CACNA1C: variants seen among roughly 807,000 people sequenced by gnomAD.
CACNA1C encodes the protein voltage-dependent L-type calcium channel subunit alpha-1C.
Under a neutral mutation model 229.0 loss-of-function variants are expected in CACNA1C, and 30 were observed. The observed-to-expected ratio is 0.13, with a 90% CI of 0.10 to 0.18. The LOEUF (loss-of-function observed/expected upper bound fraction) is 0.18, where lower values mean the gene tolerates loss of function less well. CACNA1C is among the 10% of genes least tolerant of loss of function. The pLI is 1.00. For synonymous variants in CACNA1C, 1,114 were observed against 1,132.5 expected (o/e 0.98, Z 0.33); for missense variants, 1,658 against 2,845.0 (o/e 0.58, Z 9.49).
At chr12:2,118,148 T>C (rs2154142278) in intron 2 of CACNA1C, among the ~76,000 whole-genome samples, 1 of 152,304 alleles carries the variant, frequency 6.6e-6, no homozygotes, top group South Asian at 2.1e-4. Context: ...GAAGGATGGA[T>C]AGGTGGAGAG....
chr12:2,471,610 T>G (rs571001379), intron 5 of CACNA1C, among the ~76,000 whole-genome samples: 18 of 151,946 alleles, frequency 1.2e-4, no homozygotes, highest in African/African-American at 4.3e-4. Context: ...ATTGACAGGT[T>G]TTTTTTTCTT....
At chr12:2,425,095 G>C (rs537353079) in intron 3 of CACNA1C, among the ~76,000 whole-genome samples, 2 of 152,240 alleles carry the variant, frequency 1.3e-5, no homozygotes, top group African/African-American at 4.8e-5. Context: ...CCCCAGGGAG[G>C]GATAGGCCCG....
intron 6 of CACNA1C, among the ~76,000 whole-genome samples, chr12:2,489,135 C>G (rs1288676673): frequency 6.6e-6 from 1 of 151,898 alleles, no homozygotes; most frequent in South Asian, 2.1e-4. Context: ...TTTAAAATTT[C>G]AGACTTTGGA....
At position 2,319,576 on chromosome 12, in the gene CACNA1C, G is replaced by T. The variant is rs927207593; in HGVS notation, c.478-129400G>T. On this transcript the variant is annotated intron_variant, in intron 3 of 46. Transcript: ENST00000399655. This position sits in a 1 kb window ranked among gnomAD's most constrained non-coding sequence, Gnocchi z 4.0. ...CTCAGGGGCATTGCCGGGTGAGCCT[G>T]AGATAAGGGTGTAGCTCTGCTCATT... Among the ~76,000 whole-genome samples, 19 of 152,152 alleles carry T rather than the reference G, an allele frequency of 1.2e-4. No individual in the cohort carries two copies. Among genetic ancestry groups the T allele is most frequent in the Non-Finnish European group, 2.1e-4 (14 of 68,016 alleles).
chr12:2,483,791 G>A (rs1333048841), intron 5 of CACNA1C, among the ~76,000 whole-genome samples: 1 of 152,024 alleles, frequency 6.6e-6, no homozygotes, highest in South Asian at 2.1e-4. Flanking sequence ...CTGAAATGAC[G>A]CCCACAAGCT....
intron 5 of CACNA1C, among the ~76,000 whole-genome samples, chr12:2,468,987 G>C (rs113434575): frequency 5.3e-5 from 8 of 152,316 alleles, no homozygotes; most frequent in African/African-American, 1.9e-4. Context: ...GCACCCTCTT[G>C]CATGTTAGTT....
rs1228471668 is a variant in CACNA1C at position 2,601,006 on chromosome 12, T to C, written c.2854-848T>C. ...CACTAAGAGAATTTGAGTTTCTTGC[T>C]CCAGGCCACAAAAATAAAATACCAC... On this transcript the variant is annotated intron_variant, in intron 21 of 46. Transcript: ENST00000399655. The surrounding 1 kb of genome is among the most constrained non-coding windows in gnomAD (Gnocchi z 5.9). Among the ~76,000 whole-genome samples, 1 of 152,150 alleles carries C rather than the reference T, an allele frequency of 6.6e-6. No homozygotes were observed. The highest frequency in any genetic ancestry group is 6.5e-5 in the Admixed American group (1 of 15,280).
Position 2,566,489 on chromosome 12 carries a change from T to G in CACNA1C, c.1576T>G (p.Phe526Val). The G allele has an allele frequency of 6.3e-7, 1 of 1,595,718 alleles. No individual in the cohort carries two copies. ...CCGCGCCGCAGTCAAGTCTAATGTC[T>G]TCTACTGGCTGGTGATTTTCCTGGT... ...KCRAAVKSNV[F>V]YWLVIFLVFL... is the part of the protein sequence containing the mutation. The change falls in exon 12 of 47, where the codon TTC (phenylalanine) becomes GTC (valine). Residue 526 changes from phenylalanine (F) to valine (V), a missense_variant. By Grantham distance (50) the Phe-to-Val change is conservative. Coordinates refer to ENST00000399655, the MANE Select transcript of CACNA1C (RefSeq NM_000719.7). The surrounding 1 kb of genome is among the most constrained non-coding windows in gnomAD (Gnocchi z 4.0).
chr12:2,170,587 A>G (rs2096435804), intron 3 of CACNA1C, among the ~76,000 whole-genome samples: 2 of 152,260 alleles, frequency 1.3e-5, no homozygotes, highest in African/African-American at 4.8e-5. Context: ...TTGTGAAGAC[A>G]TTATGTTCCA....
At chr12:2,044,277 G>A (rs1245834871) in intron 1 of CACNA1C, among the ~76,000 whole-genome samples, 1 of 152,180 alleles carries the variant, frequency 6.6e-6, no homozygotes, top group Non-Finnish European at 1.5e-5. Flanking sequence ...GACTGGAAGT[G>A]TCCTGCCATA....
In CACNA1C at chr12:2,060,698, A is replaced by G. The variant is rs187913860; in HGVS notation, c.49+7087A>G. Among the ~76,000 whole-genome samples the G allele has an allele frequency of 5.3e-5, 8 of 152,318 alleles. No individual in the cohort carries two copies. The East Asian group carries it at 1.5e-3, about 29-fold the overall frequency. On this transcript the variant is annotated intron_variant, in intron 1 of 46. Coordinates refer to ENST00000399655, the MANE Select transcript of CACNA1C (RefSeq NM_000719.7). ...AACATAGTGTTGTGATAATTTCATG[A>G]AATATTCAAGCTGCCAATTTGCCAA...
chr12:2,214,910 A>C (rs1047350093), intron 3 of CACNA1C, among the ~76,000 whole-genome samples: 1 of 151,934 alleles, frequency 6.6e-6, no homozygotes, highest in Non-Finnish European at 1.5e-5. Flanking sequence ...CATCCCCGCC[A>C]AAAGAGGTAC....
chr12:2,565,099 G>A lies in CACNA1C; in HGVS notation c.1509-1323G>A, dbSNP rs533182950. Among the ~76,000 whole-genome samples the A allele has an allele frequency of 5.9e-5, 9 of 152,288 alleles. No homozygotes were observed. In the East Asian group the frequency reaches 1.7e-3, roughly 29 times the overall value. ...CGCCTCCACCATAGAATCTTAAAAT[G>A]TGTTTCTTTAGGATCATCTTAGCCA... On this transcript the variant is annotated intron_variant, in intron 11 of 46. Transcript: ENST00000399655.
intron 3 of CACNA1C, among the ~76,000 whole-genome samples, chr12:2,214,796 T>G (rs1305423170): frequency 9.7e-6 from 1 of 103,082 alleles, no homozygotes; most frequent in Non-Finnish European, 2.0e-5. Flanking sequence ...AGGCAGACAC[T>G]TCTAGTTAGC....
intron 5 of CACNA1C, among the ~76,000 whole-genome samples, chr12:2,466,567 T>A (rs2099552210): frequency 6.6e-6 from 1 of 152,240 alleles, no homozygotes; most frequent in South Asian, 2.1e-4. Flanking sequence ...CCCTTGCTTT[T>A]TCCACTGCCT....
chr12:2,605,138 G>A lies in CACNA1C; in HGVS notation c.3018G>A (p.Leu1006=), dbSNP rs918630622. 5 of 1,613,620 alleles carry A rather than the reference G, an allele frequency of 3.1e-6. No individual in the cohort carries two copies. The highest frequency in any genetic ancestry group is 2.2e-5 in the East Asian group (1 of 44,894). ...GAGTCCTGCGAGTACTCAGGCCCCT[G>A]AGGGCCATCAACAGGGCCAAGGGGC... ...ILRVLRVLRP[L]RAINRAKGLK... The change falls in exon 23 of 47, where the codon CTG becomes CTA. Residue 1006 remains leucine, a synonymous_variant. Coordinates refer to ENST00000399655, the MANE Select transcript of CACNA1C (RefSeq NM_000719.7). This position sits in a 1 kb window ranked among gnomAD's most constrained non-coding sequence, Gnocchi z 6.2.
chr12:2,634,299 C>T lies in CACNA1C; in HGVS notation c.3831C>T (p.His1277=). Residue 1277 remains histidine, a splice_region_variant and synonymous_variant, in exon 30 of 47, where the codon CAC becomes CAT. Coordinates refer to ENST00000399655, the MANE Select transcript of CACNA1C (RefSeq NM_000719.7). ...CCCGGCTGCTCTGCCCCATGCAGCA[C>T]TATTTCTGTGATGCATGGAATACAT... ...ILKLIAFKPK[H]YFCDAWNTFD... is the part of the protein sequence containing the mutation. The T allele has an allele frequency of 6.4e-7, 1 of 1,552,074 alleles. No homozygotes were observed. The highest frequency in any genetic ancestry group is 8.7e-7 in the Non-Finnish European group (1 of 1,144,326).
intron 21 of CACNA1C, among the ~76,000 whole-genome samples, chr12:2,600,465 G>A (rs2071386753): frequency 6.6e-6 from 1 of 152,220 alleles, no homozygotes; most frequent in Non-Finnish European, 1.5e-5. Context: ...ATTCCAAAGA[G>A]ATGAACTGGA....
At chr12:2,372,084 T>C (rs1350815829) in intron 3 of CACNA1C, among the ~76,000 whole-genome samples, 5 of 152,198 alleles carry the variant, frequency 3.3e-5, no homozygotes, top group Non-Finnish European at 5.9e-5. Context: ...TACTGGACCT[T>C]GGAAGGAGTC....
Sources: allele counts gnomAD v4.1 joint callset (sites outside exome capture counted in the v4.1 genomes callset), GRCh38; gene constraint gnomAD v4.1.1; non-coding constraint Gnocchi (gnomAD v3.1); transcripts MANE v1.5; gene names NCBI Gene and HGNC (gene_info 2026-07-23, HGNC 2026-07-21).